Variants in RBFOX1 observed in about 807,000 individuals in gnomAD.
RBFOX1 encodes RNA binding fox-1 homolog 1.
Under a neutral mutation model 57.7 loss-of-function variants are expected in RBFOX1, and 8 were observed. The observed-to-expected ratio is 0.14, with a 90% confidence interval of 0.08 to 0.25. The LOEUF (loss-of-function observed/expected upper bound fraction) is 0.25, where lower values mean the gene tolerates loss of function less well. Ranked by LOEUF, RBFOX1 falls within the 10% of genes least tolerant of loss-of-function variation. RBFOX1 has a pLI of 1.00. For synonymous variants in RBFOX1, 326 were observed against 222.4 expected, an observed-to-expected ratio of 1.47 and a Z score of -4.15; for missense variants, 611 against 548.5, an observed-to-expected ratio of 1.11 and a Z score of -1.14.
At chr16:6,457,984 C>A (rs548089615) in intron 2 of RBFOX1, among the ~76,000 whole-genome samples, 1 of 147,718 alleles carries the variant, frequency 6.8e-6, no homozygotes, top group Admixed American at 6.9e-5. Flanking sequence ...TGTGCACACA[C>A]ATACATAGGT....
At position 7,054,989 on chromosome 16, in the gene RBFOX1, T is replaced by C. The variant is rs181817448; in HGVS notation, c.27+2891T>C. On this transcript the variant is annotated intron_variant, in intron 4 of 15. Transcript: ENST00000550418. ...AGGAATTGGCGTATCCAATACTTGG[T>C]GTTAGGATCTCCTTTCTTTTTCTCA... Among the ~76,000 whole-genome samples the C allele has an allele frequency of 2.9e-3, 441 of 152,300 alleles. 2 individuals are homozygous for C. Among genetic ancestry groups the C allele is most frequent in the Middle Eastern group, 6.8e-3 (2 of 294 alleles).
chr16:7,190,288 G>A (rs1051177210), intron 4 of RBFOX1, among the ~76,000 whole-genome samples: 3 of 152,208 alleles, frequency 2.0e-5, no homozygotes, highest in East Asian at 1.9e-4. Context: ...GAACGCAGGA[G>A]GCGGAGGTTG....
intron 2 of RBFOX1, among the ~76,000 whole-genome samples, chr16:6,622,988 T>C (rs953778687): frequency 6.6e-6 from 1 of 152,310 alleles, no homozygotes; most frequent in African/African-American, 2.4e-5. Flanking sequence ...CAATTAAAGA[T>C]TAGCTATTTT....
intron 3 of RBFOX1, among the ~76,000 whole-genome samples, chr16:5,766,276 G>C (rs2053774609): frequency 6.6e-6 from 1 of 152,102 alleles, no homozygotes; most frequent in Non-Finnish European, 1.5e-5. Context: ...GAGAGGAGGA[G>C]GTATCATGCA....
chr16:6,670,534 C>G (rs983674924), intron 3 of RBFOX1, among the ~76,000 whole-genome samples: 2 of 152,064 alleles, frequency 1.3e-5, no homozygotes, highest in Non-Finnish European at 2.9e-5. Flanking sequence ...AACATACCCC[C>G]AAAGAAAGCA....
intron 3 of RBFOX1, among the ~76,000 whole-genome samples, chr16:7,021,252 C>G (rs966925012): frequency 1.3e-5 from 2 of 151,512 alleles, no homozygotes; most frequent in Admixed American, 6.6e-5. Context: ...GCCCCCACCT[C>G]ATTTGGTTAC....
In RBFOX1 at chr16:6,753,453, C is replaced by T. The variant is rs544133227; in HGVS notation, c.-16+98803C>T. On this transcript the variant is annotated intron_variant, in intron 3 of 15. Coordinates refer to ENST00000550418, the MANE Select transcript of RBFOX1 (RefSeq NM_018723.4). ...TTTTATTTAGGGATGCTTTCAGGAC[C>T]GTAGTTGCAGGAAGATCATCTTGCT... is the stretch of plus-strand genomic sequence containing the variant. 2.1e-4 allele frequency among the ~76,000 whole-genome samples: 32 copies of T among 152,192 alleles called. No homozygotes were observed. The South Asian group carries it at 6.6e-3, about 32-fold the overall frequency.
At chr16:7,656,005 TTTGTAACTAC>T (rs140203970) in intron 12 of RBFOX1, among the ~76,000 whole-genome samples, 18,191 of 152,228 alleles carry the variant, frequency 0.12, 1,554 homozygotes, top group East Asian at 0.39. Flanking sequence ...AAACAATGTG[TTTGTAACTAC>T]TTGGGATGAA....
chr16:7,241,096 C>T (rs955047457), intron 4 of RBFOX1, among the ~76,000 whole-genome samples: 12 of 152,132 alleles, frequency 7.9e-5, no homozygotes, highest in Non-Finnish European at 1.6e-4. Context: ...GTATTTATAT[C>T]AGATTGCCAT....
chr16:5,784,814 A>G (rs1023170009), intron 3 of RBFOX1, among the ~76,000 whole-genome samples: 3 of 152,130 alleles, frequency 2.0e-5, no homozygotes, highest in Admixed American at 6.5e-5. Context: ...CATGGCGCAT[A>G]GACACCATCT....
intron 2 of RBFOX1, among the ~76,000 whole-genome samples, chr16:5,504,387 A>G (rs1472465399): frequency 1.3e-5 from 2 of 152,210 alleles, no homozygotes; most frequent in Non-Finnish European, 2.9e-5. Context: ...CTGGATAACA[A>G]GGAAACCTGG....
chr16:7,533,277 T>G (rs1016385120), intron 5 of RBFOX1, among the ~76,000 whole-genome samples: 6 of 152,240 alleles, frequency 3.9e-5, no homozygotes, highest in Non-Finnish European at 8.8e-5. Flanking sequence ...TGGACTTCCC[T>G]GTGGAACTCC....
intron 3 of RBFOX1, among the ~76,000 whole-genome samples, chr16:6,707,151 AAG>A (rs2062897263): frequency 1.3e-5 from 2 of 152,136 alleles, no homozygotes; most frequent in African/African-American, 4.8e-5. Flanking sequence ...TATTTGCAAA[AAG>A]GAAATTGTAA....
At chr16:6,259,732 T>C (rs923638384) in intron 1 of RBFOX1, among the ~76,000 whole-genome samples, 6 of 152,050 alleles carry the variant, frequency 3.9e-5, no homozygotes, top group African/African-American at 1.4e-4. Flanking sequence ...CCAAGGCGGA[T>C]GGATCACCTG....
intron 14 of RBFOX1, among the ~76,000 whole-genome samples, chr16:7,688,893 G>C (rs183819768): frequency 2.6e-5 from 4 of 152,122 alleles, no homozygotes; most frequent in East Asian, 3.9e-4. Flanking sequence ...AGAATGTTAA[G>C]TTACTCCACA....
At chr16:5,436,938 C>A (rs367896571) in intron 1 of RBFOX1, among the ~76,000 whole-genome samples, 1 of 152,150 alleles carries the variant, frequency 6.6e-6, no homozygotes, top group South Asian at 2.1e-4. Context: ...GTCTTTTCCC[C>A]CATAGAGAGA....
At chr16:5,775,911 G>GGACCTTT (rs1416689775) in intron 3 of RBFOX1, among the ~76,000 whole-genome samples, 3 of 152,212 alleles carry the variant, frequency 2.0e-5, no homozygotes, top group Non-Finnish European at 2.9e-5. Context: ...TAAAGGTTCT[G>GGACCTTT]TCTCTGGACC....
At chr16:7,513,098 C>A (rs543501461) in intron 4 of RBFOX1, among the ~76,000 whole-genome samples, 2 of 151,854 alleles carry the variant, frequency 1.3e-5, no homozygotes, top group Non-Finnish European at 2.9e-5. Context: ...GCCGTCTCTA[C>A]TAAAAATACA....
chr16:7,198,137 C>G (rs2087270500), intron 4 of RBFOX1, among the ~76,000 whole-genome samples: 1 of 150,490 alleles, frequency 6.6e-6, no homozygotes, highest in Non-Finnish European at 1.5e-5. Flanking sequence ...TCCCAAGTAG[C>G]TGGGACTACA....
Sources: allele counts gnomAD v4.1 joint callset (sites outside exome capture counted in the v4.1 genomes callset), GRCh38; gene constraint gnomAD v4.1.1; transcripts MANE v1.5; gene names NCBI Gene and HGNC (gene_info 2026-07-23, HGNC 2026-07-21).